The following SIGLEC5 variants were observed in gnomAD, a reference collection of about 807,000 sequenced individuals.
SIGLEC5 encodes the protein sialic acid binding Ig like lectin 5, also known as sialic acid-binding Ig-like lectin 5.
Under a neutral mutation model 45.9 loss-of-function variants are expected in SIGLEC5, and 34 were observed. The observed-to-expected ratio is 0.74, with a 90% CI of 0.56 to 0.99. The LOEUF (loss-of-function observed/expected upper bound fraction) is 0.99, where lower values mean the gene tolerates loss of function less well. Ranked by LOEUF, SIGLEC5 falls within the 50% of genes least tolerant of loss-of-function variation. The pLI, the probability that SIGLEC5 is intolerant of heterozygous loss-of-function variation, is 0.00. For synonymous variants in SIGLEC5, 203 were observed against 258.6 expected, an observed-to-expected ratio of 0.79 and a Z score of 2.06; for missense variants, 508 against 629.6, an observed-to-expected ratio of 0.81 and a Z score of 2.07.
chr19:51,617,571 T>C (rs1201296025), intron 8 of SIGLEC5, among the ~76,000 whole-genome samples: 1 of 152,014 alleles, frequency 6.6e-6, no homozygotes, highest in Non-Finnish European at 1.5e-5. Context: ...CAAAGGAAAA[T>C]CACTTTAATT....
intron 8 of SIGLEC5, among the ~76,000 whole-genome samples, chr19:51,616,804 G>A (rs1983072393): frequency 6.6e-6 from 1 of 150,918 alleles, no homozygotes; most frequent in Non-Finnish European, 1.5e-5. Context: ...CCAGCTACTC[G>A]GGAGGCTGAG....
At chr19:51,623,218 A>G (rs1016115635) in intron 8 of SIGLEC5, among the ~76,000 whole-genome samples, 2 of 152,212 alleles carry the variant, frequency 1.3e-5, no homozygotes, top group Admixed American at 6.5e-5. Context: ...AGTAGAAACT[A>G]TATTTGAATA....
chr19:51,612,503 G>A (rs1982896187), intron 8 of SIGLEC5, 81 bp from the exon 9 acceptor site: 1 of 1,025,390 alleles, frequency 9.8e-7, no homozygotes, highest in African/African-American at 1.6e-5. Flanking sequence ...TTTATATGTT[G>A]CCTTGGGATT....
Position 51,613,862 on chromosome 19 carries a change from T to C in SIGLEC5, c.1465-1440A>G, listed in dbSNP as rs1027330257. On this transcript the variant is annotated intron_variant, in intron 8 of 8. Transcript: ENST00000683636. Reference sequence around the variant, plus strand: ...CACGTACAGTGTGAGAAATCAGACATAGACCCTGACCTAGGCAGGAGGAGC... The same window carrying C: ...CACGTACAGTGTGAGAAATCAGACACAGACCCTGACCTAGGCAGGAGGAGC... 7.2e-5 allele frequency among the ~76,000 whole-genome samples: 11 copies of C among 151,988 alleles called. 1 individual carries two copies. Among genetic ancestry groups the C allele is most frequent in the Admixed American group, 2.6e-4 (4 of 15,266 alleles).
rs1286510452 is a variant in SIGLEC5 at position 51,625,946 on chromosome 19, G to A, written c.1464+86C>T. ...AGAAGAGAACTCCCAGGTGATGAGG[G>A]AGGAGTGGGTTTGGTGGAATGCTGA... On this transcript the variant is annotated intron_variant, in intron 8 of 8. Transcript: ENST00000683636. 22 of 1,002,744 alleles carry A rather than the reference G, an allele frequency of 2.2e-5. No homozygotes were observed. In the Admixed American group the frequency reaches 3.9e-4, roughly 18 times the overall value. The allele number at this position is 1,002,744 out of a possible 1,614,324, so 62.1% of individuals were successfully genotyped here.
At position 51,627,837 on chromosome 19, in the gene SIGLEC5, A is replaced by G. The variant is rs1288403379; in HGVS notation, c.994T>C (p.Tyr332His). The G allele has an allele frequency of 2.5e-6, 4 of 1,601,662 alleles. No individual in the cohort carries two copies. In the African/African-American group the frequency reaches 5.4e-5, roughly 21 times the overall value. The change falls in exon 5 of 9, where the codon TAC becomes CAC. Residue 332 changes from tyrosine to histidine, a missense_variant. By Grantham distance (83) the Tyr-to-His change is moderately conservative. Coordinates refer to ENST00000683636, the MANE Select transcript of SIGLEC5 (RefSeq NM_003830.4). ...FLQIFLNLSV[Y>H]SLPQLLGPSC... is the part of the protein sequence containing the mutation. ...CTCCAGCTGCCCCCACACTCACAGT[A>G]AACTGAGAGATTCAGAAAAATTTGC...
At position 51,627,927 on chromosome 19, in the gene SIGLEC5, G is replaced by A. The variant is rs151263979; in HGVS notation, c.904C>T (p.Arg302Cys). ...CCTTCTTCTGCAGACCTTACTCGAC[G>A]AAGCTCCAAGATCCCGGTATTGGAG... ...PISNTGILEL[R>C]RVRSAEEGGF... The change falls in exon 5 of 9, where the codon CGT (arginine) becomes TGT (cysteine). Residue 302 changes from arginine (R) to cysteine (C), a missense_variant. By Grantham distance (180) the Arg-to-Cys change is radical. Around this residue, in one of 2 missense-constraint regions of SIGLEC5, gnomAD observed 431 missense variants for 428.8 expected, o/e 1.01. Transcript: ENST00000683636. 7.0e-5 allele frequency: 113 copies of A among 1,614,114 alleles called. No individual in the cohort carries two copies. The highest frequency in any genetic ancestry group is 3.9e-4 in the African/African-American group (29 of 75,030).
chr19:51,613,611 T>G (rs180729844), intron 8 of SIGLEC5, among the ~76,000 whole-genome samples: 210 of 152,320 alleles, frequency 1.4e-3, no homozygotes, highest in Non-Finnish European at 2.0e-3. Context: ...TTCAAAATTT[T>G]GTAATACTAT....
At chr19:51,618,930 G>A (rs1027251059) in intron 8 of SIGLEC5, among the ~76,000 whole-genome samples, 5 of 150,578 alleles carry the variant, frequency 3.3e-5, no homozygotes, top group Non-Finnish European at 7.4e-5. Flanking sequence ...TCAAATATAA[G>A]AAACACAATT....
chr19:51,614,286 G>A (rs547093034), intron 8 of SIGLEC5, among the ~76,000 whole-genome samples: 113 of 152,248 alleles, frequency 7.4e-4, no homozygotes, highest in African/African-American at 2.6e-3. Flanking sequence ...TGAGACCACA[G>A]GCACAAGCCA....
chr19:51,622,282 C>G (rs895798731), intron 8 of SIGLEC5, among the ~76,000 whole-genome samples: 12 of 151,972 alleles, frequency 7.9e-5, no homozygotes, highest in African/African-American at 2.7e-4. Flanking sequence ...CAGGTGCCCA[C>G]CACCACGCCT....
chr19:51,622,809 G>C (rs924819405), intron 8 of SIGLEC5, among the ~76,000 whole-genome samples: 25 of 152,190 alleles, frequency 1.6e-4, no homozygotes, highest in Admixed American at 1.4e-3. Context: ...TACTCTCTAT[G>C]TCCATCAGTT....
At chr19:51,626,444 C>T (rs752934719) in intron 7 of SIGLEC5, among the ~76,000 whole-genome samples, 11 of 152,090 alleles carry the variant, frequency 7.2e-5, no homozygotes, top group South Asian at 2.1e-4. Context: ...AAATCAAATG[C>T]GTTCCATTTA....
intron 8 of SIGLEC5, among the ~76,000 whole-genome samples, chr19:51,621,906 A>G (rs1983302672): frequency 6.7e-6 from 1 of 149,314 alleles, no homozygotes; most frequent in Non-Finnish European, 1.5e-5. Context: ...AGGAAGAAAA[A>G]TAACAAAAGA....
In SIGLEC5 at chr19:51,611,553, G is replaced by A. The variant is rs75689714; in HGVS notation, c.*678C>T. On this transcript the variant is annotated 3_prime_UTR_variant, in exon 9 of 9. Coordinates refer to ENST00000683636, the MANE Select transcript of SIGLEC5 (RefSeq NM_003830.4). ...TGTGATATATTGTCTAAGGCCAGGGGGCCGTGAATGGGTTTGGGCAGGAAA... is the reference window on the plus strand; with the variant it reads ...TGTGATATATTGTCTAAGGCCAGGGAGCCGTGAATGGGTTTGGGCAGGAAA... 6.6e-6 allele frequency among the ~76,000 whole-genome samples: 1 copy of A among 152,184 alleles called. No homozygotes were observed. Among genetic ancestry groups the A allele is most frequent in the Admixed American group, 6.5e-5 (1 of 15,292 alleles).
intron 8 of SIGLEC5, among the ~76,000 whole-genome samples, chr19:51,616,909 AAAAAAAAAAC>A (rs1482285709): frequency 6.6e-5 from 9 of 136,222 alleles, no homozygotes; most frequent in East Asian, 2.1e-4. Flanking sequence ...AGACTGTCAA[AAAAAAAAAAC>A]AAAAAAAAAA....
chr19:51,616,912 AAAAAAAC>A (rs1446715202), intron 8 of SIGLEC5, among the ~76,000 whole-genome samples: 3,508 of 144,058 alleles, frequency 0.024, 138 homozygotes, highest in Non-Finnish European at 0.043. Context: ...CTGTCAAAAA[AAAAAAAC>A]AAAAAAAAAA....
chr19:51,612,090 A>ACCATCTGTTTTCTTTCTGC lies in SIGLEC5; in HGVS notation c.*140_*141insGCAGAAAGAAAACAGATGG, dbSNP rs1555787499. ...GATTTGAGCCCACCTCTCTAATTCC[A>ACCATCTGTTTTCTTTCTGC]TCTGCTTGGAGCACTTAAACATCAG... On this transcript the variant is annotated 3_prime_UTR_variant, in exon 9 of 9. Coordinates refer to ENST00000683636, the MANE Select transcript of SIGLEC5 (RefSeq NM_003830.4). 4 of 514,590 alleles carry ACCATCTGTTTTCTTTCTGC rather than the reference A, an allele frequency of 7.8e-6. No individual in the cohort carries two copies. Among genetic ancestry groups the ACCATCTGTTTTCTTTCTGC allele is most frequent in the Non-Finnish European group, 1.3e-5 (4 of 297,052 alleles). 31.9% of individuals were successfully genotyped at this position (514,590 alleles called of 1,614,324 possible).
At chr19:51,622,990 CACA>C (rs1467382140) in intron 8 of SIGLEC5, among the ~76,000 whole-genome samples, 1 of 152,102 alleles carries the variant, frequency 6.6e-6, no homozygotes, top group Non-Finnish European at 1.5e-5. Context: ...TGTGTATATG[CACA>C]ACATTTTCTT....
Sources: gnomAD v4.1 joint callset for allele counts (sites outside exome capture counted in the v4.1 genomes callset) on GRCh38, gnomAD v4.1.1 for gene constraint, gnomAD v4.1.1 regional missense constraint, MANE v1.5 for transcripts, NCBI Gene and HGNC (gene_info 2026-07-23, HGNC 2026-07-21) for gene names.